Variants in ACER1 observed in about 807,000 individuals in gnomAD.
The protein encoded by ACER1 is CTB-180A7.3.
ACER1 carries 28 observed loss-of-function variants against 24.9 expected under a neutral mutation model. The ratio of observed to expected loss-of-function variants is 1.13; its 90% CI spans 0.83 to 1.54. The LOEUF (loss-of-function observed/expected upper bound fraction) is 1.54, where lower values mean the gene tolerates loss of function less well. ACER1 is among the 40% of genes most tolerant of loss of function. The pLI is 0.00. For synonymous variants in ACER1, 132 were observed against 131.4 expected (o/e 1.00, Z -0.03); for missense variants, 352 against 349.3 (o/e 1.01, Z -0.06).
intron 1 of ACER1, among the ~76,000 whole-genome samples, chr19:6,324,179 G>A (rs1441791238): frequency 6.6e-6 from 1 of 151,424 alleles, no homozygotes; most frequent in Admixed American, 6.6e-5. Flanking sequence ...TAAGTAGCTG[G>A]GATTATAGGT....
chr19:6,320,356 A>G (rs1027171599), intron 1 of ACER1, among the ~76,000 whole-genome samples: 18 of 152,134 alleles, frequency 1.2e-4, no homozygotes. Flanking sequence ...TCTGTCACCC[A>G]GGCTGGAGTG....
At chr19:6,331,204 C>T (rs1338415116) in intron 1 of ACER1, among the ~76,000 whole-genome samples, 5 of 144,962 alleles carry the variant, frequency 3.4e-5, no homozygotes, top group Admixed American at 6.8e-5. Flanking sequence ...GGCTGGAGTG[C>T]AGTGACACAA....
chr19:6,312,244 C>T lies in ACER1; in HGVS notation c.255G>A (p.Gln85=), dbSNP rs2091585494. The T allele has an allele frequency of 6.2e-7, 1 of 1,613,974 alleles. No individual in the cohort carries two copies. Among genetic ancestry groups the T allele is most frequent in the Non-Finnish European group, 8.5e-7 (1 of 1,179,966 alleles). Residue 85 remains glutamine (Q), a synonymous_variant, in exon 3 of 6, where the codon CAG becomes CAA. Transcript: ENST00000301452. ...ACAGGATGGCGATCTCGTCCAGCAGCTGGCCCAGGAAGCTGAGCGTCATGT... is the reference window on the plus strand; with the variant it reads ...ACAGGATGGCGATCTCGTCCAGCAGTTGGCCCAGGAAGCTGAGCGTCATGT... ...YFHMTLSFLG[Q]LLDEIAILWL... is the part of the protein sequence containing the mutation.
chr19:6,308,891 G>A (rs1600233468), intron 4 of ACER1, among the ~76,000 whole-genome samples: 1 of 151,888 alleles, frequency 6.6e-6, no homozygotes, highest in African/African-American at 2.4e-5. Context: ...TCTGTTTCTG[G>A]GTTTCATCAT....
At chr19:6,345,254 C>G in the ACER1 span, among the ~76,000 whole-genome samples, 5 of 151,952 alleles carry the variant, frequency 3.3e-5, no homozygotes, top group African/African-American at 1.2e-4. Context: ...CACGGTCACA[C>G]CCATTTGTTT....
At chr19:6,335,953 T>C (rs1453489613), upstream of ACER1, among the ~76,000 whole-genome samples, 7 of 150,260 alleles carry the variant, frequency 4.7e-5, no homozygotes, top group Admixed American at 3.3e-4. Context: ...CAGGCTGGAG[T>C]GCAATGGCAT....
At chr19:6,307,775 A>G (rs1403215379) in intron 4 of ACER1, among the ~76,000 whole-genome samples, 1 of 151,956 alleles carries the variant, frequency 6.6e-6, no homozygotes, top group Non-Finnish European at 1.5e-5. Context: ...TGGGTGACAG[A>G]GTAAGACCCT....
chr19:6,331,711 T>C (rs1173742108), intron 1 of ACER1, among the ~76,000 whole-genome samples: 1 of 151,616 alleles, frequency 6.6e-6, no homozygotes, highest in Non-Finnish European at 1.5e-5. Flanking sequence ...GCAGAATGGC[T>C]TGAACGCGGG....
chr19:6,323,481 G>GC (rs1313292775), intron 1 of ACER1, among the ~76,000 whole-genome samples: 2 of 151,724 alleles, frequency 1.3e-5, no homozygotes, highest in Admixed American at 1.3e-4. Flanking sequence ...CTTTCTCTTT[G>GC]CCTGCTGCCA....
At chr19:6,318,074 C>G (rs1292436414) in intron 1 of ACER1, among the ~76,000 whole-genome samples, 1 of 152,002 alleles carries the variant, frequency 6.6e-6, no homozygotes, top group Non-Finnish European at 1.5e-5. Context: ...GTAATCCCAG[C>G]ACTTTGTGAG....
At chr19:6,355,093 G>A in the ACER1 span, among the ~76,000 whole-genome samples, 12 of 152,118 alleles carry the variant, frequency 7.9e-5, no homozygotes, top group Non-Finnish European at 1.0e-4. Context: ...CAGAGGTGCC[G>A]GGATTGCAGA....
At chr19:6,309,603 T>A in intron 4 of ACER1, 94 bp downstream of exon 4, 1 of 1,514,970 alleles carries the variant, frequency 6.6e-7, no homozygotes, top group Non-Finnish European at 9.0e-7. Flanking sequence ...GTGGGTGATC[T>A]TGGAGAAGGG....
the ACER1 span, among the ~76,000 whole-genome samples, chr19:6,353,947 C>T: frequency 9.9e-5 from 15 of 151,294 alleles, 1 homozygote; most frequent in Non-Finnish European, 1.3e-4. Context: ...TTTGGGAGGC[C>T]GAGGTGGGCA....
At chr19:6,318,596 T>C (rs950370612) in intron 1 of ACER1, among the ~76,000 whole-genome samples, 58 of 129,960 alleles carry the variant, frequency 4.5e-4, no homozygotes, top group African/African-American at 1.6e-3. Flanking sequence ...GCTAACACAG[T>C]GAAACACCGT....
chr19:6,325,889 A>T (rs1247608405), intron 1 of ACER1, among the ~76,000 whole-genome samples: 1 of 151,714 alleles, frequency 6.6e-6, no homozygotes, highest in Non-Finnish European at 1.5e-5. Flanking sequence ...TCAAAGCCTT[A>T]GAGGACATCT....
the ACER1 span, among the ~76,000 whole-genome samples, chr19:6,349,708 G>A: frequency 6.6e-6 from 1 of 152,118 alleles, no homozygotes; most frequent in Non-Finnish European, 1.5e-5. Flanking sequence ...CACTGGCTGT[G>A]GGCTGCCCTG....
rs887005208 is a variant in ACER1 at position 6,321,419 on chromosome 19, G to T, written c.94-8920C>A. ...GCCTCCCAAAGTGCTGGGATTACAG[G>T]TGTGAGCCACCCCATCTGGCCGAAA... On this transcript the variant is annotated intron_variant, in intron 1 of 5. Coordinates refer to ENST00000301452, the MANE Select transcript of ACER1 (RefSeq NM_133492.3). Among the ~76,000 whole-genome samples, 34 of 151,668 alleles carry T rather than the reference G, an allele frequency of 2.2e-4. 1 individual carries two copies. Among genetic ancestry groups the T allele is most frequent in the Non-Finnish European group, 4.4e-4 (30 of 67,914 alleles).
At chr19:6,354,251 C>T in the ACER1 span, among the ~76,000 whole-genome samples, 3 of 151,340 alleles carry the variant, frequency 2.0e-5, no homozygotes, top group African/African-American at 4.9e-5. Context: ...CAGCTGGGAG[C>T]GACTCTGCCC....
At chr19:6,315,016 T>C (rs192303669) in intron 1 of ACER1, among the ~76,000 whole-genome samples, 5,760 of 150,280 alleles carry the variant, frequency 0.038, 370 homozygotes, top group African/African-American at 0.14. Flanking sequence ...CTCAGCCTCC[T>C]GAGTAGCTGG....
Sources: allele counts gnomAD v4.1 joint callset (sites outside exome capture counted in the v4.1 genomes callset), GRCh38; gene constraint gnomAD v4.1.1; transcripts MANE v1.5; gene names NCBI Gene and HGNC (gene_info 2026-07-23, HGNC 2026-07-21).